MKKS: variants seen among roughly 807,000 people sequenced by gnomAD.
The protein encoded by MKKS is molecular chaperone MKKS.
In MKKS, 29 loss-of-function variants were observed where a neutral mutation model predicts 33.2. The ratio of observed to expected loss-of-function variants is 0.87; its 90% CI spans 0.65 to 1.19. MKKS has a LOEUF of 1.19. Ranked by LOEUF, MKKS falls within the 50% of genes most tolerant of loss-of-function variation. The pLI, the probability that MKKS is intolerant of heterozygous loss-of-function variation, is 0.00. For synonymous variants in MKKS, 260 were observed against 244.0 expected (o/e 1.07, Z -0.61); for missense variants, 661 against 662.3 (o/e 1.00, Z 0.02).
At chr20:10,406,649 A>AAT (rs1813288199) in intron 5 of MKKS, among the ~76,000 whole-genome samples, 2 of 152,348 alleles carry the variant, frequency 1.3e-5, no homozygotes, top group South Asian at 4.1e-4. Flanking sequence ...TTAGCAAACT[A>AAT]ATAACTGAAT....
In MKKS at chr20:10,404,532, A is replaced by G. The variant is rs2064827916; in HGVS notation, c.*715T>C. On this transcript the variant is annotated 3_prime_UTR_variant, in exon 6 of 6. Transcript: ENST00000347364. The stretch of plus-strand genomic sequence containing the variant: ...ATGTCAATAATGCCAAAGTTGAGAA[A>G]CCCCAGTGTAAAACAAACCAGTCCT... 1 of 151,770 alleles carries G rather than the reference A, an allele frequency of 6.6e-6. No homozygotes were observed. The highest frequency in any genetic ancestry group is 1.9e-4 in the East Asian group (1 of 5,192). The allele number at this position is 151,770 out of a possible 1,614,324, so 9.4% of individuals were successfully genotyped here.
In MKKS at chr20:10,418,066, T is replaced by C. The variant is rs550956455; in HGVS notation, c.-418+2462A>G. 2.0e-5 allele frequency among the ~76,000 whole-genome samples: 3 copies of C among 152,328 alleles called. No homozygotes were observed. In the East Asian group the frequency reaches 5.8e-4, roughly 29 times the overall value. ...AGAAATATAAACATGGCCTTGGGTA[T>C]CAAATTGTAGGTAAAGAGTCACTGT... On this transcript the variant is annotated intron_variant, in intron 2 of 5. Coordinates refer to ENST00000347364, the MANE Select transcript of MKKS (RefSeq NM_170784.3).
Position 10,412,621 on chromosome 20 carries a change from A to G in MKKS, c.894T>C (p.His298=). The stretch of plus-strand genomic sequence containing the variant: ...TATTGAGAAACTGCTTCAAAGATGG[A>G]TGTATAACTTTTTGGCACAGGACAA... ...VDLVLCQKVI[H]PSLKQFLNMH... Residue 298 remains histidine (H), a synonymous_variant, in exon 3 of 6, where the codon CAT becomes CAC. Transcript: ENST00000347364. 6.2e-7 allele frequency: 1 copy of G among 1,614,160 alleles called. No homozygotes were observed. The highest frequency in any genetic ancestry group is 1.7e-5 in the Admixed American group (1 of 60,022).
chr20:10,417,621 G>T lies in MKKS; in HGVS notation c.-418+2907C>A, dbSNP rs2064948940. Among the ~76,000 whole-genome samples, 5 of 152,056 alleles carry T rather than the reference G, an allele frequency of 3.3e-5. No homozygotes were observed. In the South Asian group the frequency reaches 1.0e-3, roughly 31 times the overall value. ...CAAGGCCTGTGCCCAAGAGTTTGAG[G>T]CTGCAGTGAGCTATGATATGCTACT... On this transcript the variant is annotated intron_variant, in intron 2 of 5. Coordinates refer to ENST00000347364, the MANE Select transcript of MKKS (RefSeq NM_170784.3).
At chr20:10,429,390 G>C (rs113916686) in intron 1 of MKKS, among the ~76,000 whole-genome samples, 1 of 152,054 alleles carries the variant, frequency 6.6e-6, no homozygotes, top group Non-Finnish European at 1.5e-5. Context: ...TTTCCTGGGC[G>C]GTCTCATTCA....
At chr20:10,408,831 G>T in intron 3 of MKKS, 28 bp from the exon 4 acceptor site, 1 of 1,569,898 alleles carries the variant, frequency 6.4e-7, no homozygotes, top group East Asian at 2.2e-5. Flanking sequence ...GAAAATACAA[G>T]TTGTATAAGC....
chr20:10,423,533 T>C (rs1441143751), intron 1 of MKKS, among the ~76,000 whole-genome samples: 1 of 152,204 alleles, frequency 6.6e-6, no homozygotes, highest in Non-Finnish European at 1.5e-5. Context: ...TGACAATCTG[T>C]AACACTAATG....
Position 10,430,031 on chromosome 20 carries a change from C to CA in MKKS, c.-649+4076dup, listed in dbSNP as rs544293077. ...CTTTTAATATAGCCATCTTGCAAAA[C>CA]AAAAAACAAAAAAACAAAAACAAAA... is the stretch of plus-strand genomic sequence containing the variant. On this transcript the variant is annotated intron_variant, in intron 1 of 5. Coordinates refer to ENST00000347364, the MANE Select transcript of MKKS (RefSeq NM_170784.3). Among the ~76,000 whole-genome samples, 928 of 114,428 alleles carry CA rather than the reference C, an allele frequency of 8.1e-3. 6 individuals are homozygous for CA. Among genetic ancestry groups the CA allele is most frequent in the South Asian group, 0.031 (113 of 3,604 alleles). The allele number at this position is 114,428 out of a possible 152,430, so 75.1% of individuals were successfully genotyped here. A position where few individuals can be genotyped will look rare whatever the true frequency, so the allele number is the denominator to read the frequency against.
chr20:10,417,246 A>AAT (rs2064945684), intron 2 of MKKS, among the ~76,000 whole-genome samples: 2 of 716 alleles, frequency 2.8e-3, no homozygotes, highest in Admixed American at 0.026. Flanking sequence ...ACTCCATCTT[A>AAT]AAAAAAAAAA....
intron 1 of MKKS, among the ~76,000 whole-genome samples, chr20:10,426,744 A>T (rs2065016930): frequency 6.6e-6 from 1 of 152,222 alleles, no homozygotes; most frequent in Non-Finnish European, 1.5e-5. Context: ...AAAGGTTAAC[A>T]GCTGTCATTT....
At chr20:10,432,789 CAAAAAAAAAAA>C (rs71184200) in intron 1 of MKKS, among the ~76,000 whole-genome samples, 1 of 74,558 alleles carries the variant, frequency 1.3e-5, no homozygotes, top group Non-Finnish European at 2.5e-5. Context: ...GACTCTTTGT[CAAAAAAAAAAA>C]AAAAAAAAAA....
At chr20:10,412,069 A>G (rs1185681789) in intron 3 of MKKS, among the ~76,000 whole-genome samples, 1 of 152,226 alleles carries the variant, frequency 6.6e-6, no homozygotes, top group Non-Finnish European at 1.5e-5. Context: ...GTGCATGTAC[A>G]TCCCCCTCCC....
At chr20:10,416,900 T>C (rs892920561) in intron 2 of MKKS, among the ~76,000 whole-genome samples, 6 of 152,158 alleles carry the variant, frequency 3.9e-5, no homozygotes, top group African/African-American at 9.7e-5. Flanking sequence ...GCTTTTACAC[T>C]ACAACAGAAA....
chr20:10,430,047 A>G (rs953556914), intron 1 of MKKS, among the ~76,000 whole-genome samples: 1 of 150,948 alleles, frequency 6.6e-6, no homozygotes, highest in Non-Finnish European at 1.5e-5. Context: ...ACAAAAAAAC[A>G]AAAACAAAAA....
intron 2 of MKKS, among the ~76,000 whole-genome samples, chr20:10,418,807 C>T (rs2064959194): frequency 6.6e-6 from 1 of 152,058 alleles, no homozygotes; most frequent in Non-Finnish European, 1.5e-5. Context: ...AATATACATA[C>T]ATAATATAAT....
At chr20:10,432,940 G>A (rs192286303) in intron 1 of MKKS, among the ~76,000 whole-genome samples, 1 of 152,232 alleles carries the variant, frequency 6.6e-6, no homozygotes, top group African/African-American at 2.4e-5. Context: ...AGTGTTTAGG[G>A]AATGACAAGA....
chr20:10,427,029 GACACACAC>G (rs377703248), intron 1 of MKKS, among the ~76,000 whole-genome samples: 6,100 of 130,710 alleles, frequency 0.047, 175 homozygotes, highest in Admixed American at 0.06. Context: ...AGAAAACACT[GACACACAC>G]ACACACACAC....
At chr20:10,429,191 G>A (rs1466927438) in intron 1 of MKKS, among the ~76,000 whole-genome samples, 2 of 152,032 alleles carry the variant, frequency 1.3e-5, no homozygotes, top group South Asian at 2.1e-4. Flanking sequence ...CATTCTCCAT[G>A]GAAAGTGTTC....
chr20:10,405,389 C>T lies in MKKS; in HGVS notation c.1571G>A (p.Ser524Asn). 3 of 1,614,186 alleles carry T rather than the reference C, an allele frequency of 1.9e-6. No homozygotes were observed. Among genetic ancestry groups the T allele is most frequent in the Non-Finnish European group, 2.5e-6 (3 of 1,180,036 alleles). ...RSTRRPFVPQ[S>N]CLPHEAVGSA... ...GCCCACAGCTTCATGTGGAAGGCAG[C>T]TTTGTGGCACAAATGGACGACGTGT... is the stretch of plus-strand genomic sequence containing the variant. Residue 524 changes from serine to asparagine, a missense_variant, in exon 6 of 6, where the codon AGC (serine) becomes AAC (asparagine). Physicochemically the swap from Ser to Asn is conservative, Grantham distance 46. Coordinates refer to ENST00000347364, the MANE Select transcript of MKKS (RefSeq NM_170784.3).
Sources: allele counts gnomAD v4.1 joint callset (sites outside exome capture counted in the v4.1 genomes callset), GRCh38; gene constraint gnomAD v4.1.1; transcripts MANE v1.5; gene names NCBI Gene and HGNC (gene_info 2026-07-23, HGNC 2026-07-21).